The following SLC30A7 variants were observed in gnomAD, a reference collection of about 807,000 sequenced individuals.
The protein encoded by SLC30A7 is solute carrier family 30 member 7, also known as zinc transporter 7.
Under a neutral mutation model 46.0 loss-of-function variants are expected in SLC30A7, and 35 were observed. The ratio of observed to expected loss-of-function variants is 0.76; its 90% CI spans 0.58 to 1.01. The LOEUF (loss-of-function observed/expected upper bound fraction) is 1.01, where lower values mean the gene tolerates loss of function less well. Among genes scored for constraint, SLC30A7 ranks in the 50% least tolerant of loss-of-function variants. SLC30A7 has a pLI of 0.00. For synonymous variants in SLC30A7, 147 were observed against 157.8 expected (o/e 0.93, Z 0.51); for missense variants, 464 against 451.1 (o/e 1.03, Z -0.26).
downstream of SLC30A7, chr1:100,981,857 G>T (rs1656955153): frequency 3.9e-5 from 6 of 152,204 alleles, no homozygotes. Flanking sequence ...GAAAGGCAAA[G>T]AATGATTCTC....
chr1:100,962,149 T>A (rs562027676), intron 9 of SLC30A7, among the ~76,000 whole-genome samples: 9 of 152,332 alleles, frequency 5.9e-5, no homozygotes, highest in African/African-American at 1.4e-4. Flanking sequence ...GAGCAGTTTT[T>A]AAAAATATAG....
intron 8 of SLC30A7, chr1:100,941,561 A>G: frequency 1.8e-6 from 1 of 564,138 alleles, no homozygotes; most frequent in South Asian, 1.4e-5. Context: ...GATTTCAATC[A>G]CTTCAGTTTT....
intron 8 of SLC30A7, among the ~76,000 whole-genome samples, chr1:100,936,383 A>G (rs1570553917): frequency 6.6e-6 from 1 of 152,212 alleles, no homozygotes; most frequent in African/African-American, 2.4e-5. Flanking sequence ...TTTGTGATTA[A>G]TGTCACCAGA....
At chr1:100,938,915 G>A (rs1654149557) in intron 8 of SLC30A7, among the ~76,000 whole-genome samples, 1 of 152,028 alleles carries the variant, frequency 6.6e-6, no homozygotes, top group South Asian at 2.1e-4. Context: ...TTGCACCCAG[G>A]TAGAGAGAGT....
chr1:100,907,035 C>G, intron 3 of SLC30A7, 70 bp downstream of exon 3: 1 of 1,030,564 alleles, frequency 9.7e-7, no homozygotes, highest in African/African-American at 1.6e-5. Flanking sequence ...TAATCTTAAG[C>G]TCAGTGACTT....
At chr1:100,986,596 G>A (rs996875293), downstream of SLC30A7, among the ~76,000 whole-genome samples, 4 of 152,138 alleles carry the variant, frequency 2.6e-5, no homozygotes, top group Admixed American at 6.5e-5. Context: ...TTAACCATGT[G>A]ATCCAGCAAT....
chr1:100,901,741 G>C (rs1411970120), intron 2 of SLC30A7, among the ~76,000 whole-genome samples: 1 of 152,172 alleles, frequency 6.6e-6, no homozygotes, highest in African/African-American at 2.4e-5. Context: ...ACTGCACCCG[G>C]CTGGTTTTCC....
downstream of SLC30A7, among the ~76,000 whole-genome samples, chr1:100,986,605 A>G (rs767849376): frequency 7.2e-5 from 11 of 152,194 alleles, no homozygotes; most frequent in Non-Finnish European, 1.6e-4. Flanking sequence ...TGATCCAGCA[A>G]TCCCTCTGGA....
intron 6 of SLC30A7, among the ~76,000 whole-genome samples, chr1:100,915,201 C>CT (rs1217270683): frequency 0.037 from 3,469 of 93,898 alleles, 38 homozygotes; most frequent in Middle Eastern, 0.052. Context: ...TCTTTTCTTT[C>CT]TTTCTTTCTT....
chr1:100,944,775 A>G (rs1654536416), intron 8 of SLC30A7, among the ~76,000 whole-genome samples: 1 of 151,798 alleles, frequency 6.6e-6, no homozygotes, highest in African/African-American at 2.4e-5. Flanking sequence ...ATACGTGTGC[A>G]TGTGTCTTTA....
chr1:100,907,622 G>C (rs1043848607), intron 3 of SLC30A7, among the ~76,000 whole-genome samples: 1 of 152,064 alleles, frequency 6.6e-6, no homozygotes, highest in Non-Finnish European at 1.5e-5. Flanking sequence ...TGCATACTCT[G>C]TTTCTTTCTC....
intron 3 of SLC30A7, among the ~76,000 whole-genome samples, chr1:100,910,231 G>C (rs527236274): frequency 6.6e-6 from 1 of 152,188 alleles, no homozygotes; most frequent in East Asian, 1.9e-4. Context: ...TTAAGGACCA[G>C]AGTGGTTAAT....
At chr1:100,950,976 A>C (rs1299474782) in intron 8 of SLC30A7, among the ~76,000 whole-genome samples, 1 of 152,172 alleles carries the variant, frequency 6.6e-6, no homozygotes, top group African/African-American at 2.4e-5. Context: ...ACAGGAGCTT[A>C]AGTTGCTGAG....
At chr1:100,944,873 C>T (rs556296052) in intron 8 of SLC30A7, among the ~76,000 whole-genome samples, 74 of 152,114 alleles carry the variant, frequency 4.9e-4, no homozygotes, top group Non-Finnish European at 8.4e-4. Flanking sequence ...CACAGTCTTC[C>T]ACAATGGTTG....
chr1:100,995,152 G>A, the SLC30A7 span: 4 of 1,566,884 alleles, frequency 2.6e-6, no homozygotes, highest in Non-Finnish European at 1.8e-6. Flanking sequence ...TTTGATGTCT[G>A]TAGGAAGTAA....
At chr1:100,965,643 C>T in intron 9 of SLC30A7, 126 bp from the exon 10 acceptor site, 7 of 751,086 alleles carry the variant, frequency 9.3e-6, no homozygotes, top group Non-Finnish European at 1.6e-5. Context: ...TTTATTCAAA[C>T]ATCCTCCTTT....
At chr1:100,973,500 A>G (rs1656274991) in intron 10 of SLC30A7, among the ~76,000 whole-genome samples, 1 of 152,140 alleles carries the variant, frequency 6.6e-6, no homozygotes, top group African/African-American at 2.4e-5. Flanking sequence ...TTGAGGTTCT[A>G]GGAGTCAGCA....
rs1458326130 is a variant in SLC30A7 at position 100,965,856 on chromosome 1, ATAG to A, written c.1025_1027del (p.Val342del). 2 of 1,613,896 alleles carry A rather than the reference ATAG, an allele frequency of 1.2e-6. No homozygotes were observed. The highest frequency in any genetic ancestry group is 1.7e-6 in the Non-Finnish European group (2 of 1,179,874). The stretch of plus-strand genomic sequence containing the variant: ...CGTTTATGTTGGGACCTTGAAATTA[ATAG>A]TAGCACCTGATGCTGATGCTAGGTG... On this transcript the variant is annotated inframe_deletion, in exon 10 of 11. Transcript: ENST00000357650.
chr1:100,992,952 C>A, the SLC30A7 span, among the ~76,000 whole-genome samples: 32 of 152,294 alleles, frequency 2.1e-4, no homozygotes, highest in Admixed American at 3.9e-4. Flanking sequence ...TTCCTCTGAT[C>A]TCACTGAAAT....
Sources: allele counts gnomAD v4.1 joint callset (sites outside exome capture counted in the v4.1 genomes callset), GRCh38; gene constraint gnomAD v4.1.1; transcripts MANE v1.5; gene names NCBI Gene and HGNC (gene_info 2026-07-23, HGNC 2026-07-21).